The following FAM227A variants were observed in gnomAD, a reference collection of about 807,000 sequenced individuals.
The protein encoded by FAM227A is family with sequence similarity 227 member A, also known as protein FAM227A.
Under a neutral mutation model 74.7 loss-of-function variants are expected in FAM227A, and 80 were observed. The observed-to-expected ratio is 1.07, with a 90% CI of 0.89 to 1.29. The LOEUF (loss-of-function observed/expected upper bound fraction) is 1.29. Among genes scored for constraint, FAM227A ranks in the 50% most tolerant of loss-of-function variants. The pLI, the probability that FAM227A is intolerant of heterozygous loss-of-function variation, is 0.00. For missense variants in FAM227A, 654 were observed against 683.4 expected (o/e 0.96, Z 0.48); for synonymous variants, 237 against 241.8 (o/e 0.98, Z 0.19).
At position 38,626,485 on chromosome 22, in the gene FAM227A, T is replaced by C. The variant is rs538320994; in HGVS notation, c.727-182A>G. Among the ~76,000 whole-genome samples the C allele has an allele frequency of 2.4e-4, 36 of 152,030 alleles. No individual in the cohort carries two copies. The South Asian group carries it at 5.8e-3, about 25-fold the overall frequency. On this transcript the variant is annotated intron_variant, in intron 8 of 16. Transcript: ENST00000535113. The stretch of plus-strand genomic sequence containing the variant: ...ACTCCTGGCTGAAGTGATCCTCTAA[T>C]CCACTTGCCTCAGCCTTCTCGGTAG...
rs778989981 is a variant in FAM227A, at chr22:38,636,487, G to A, written c.483C>T (p.Asn161=). The A allele has an allele frequency of 3.7e-5, 58 of 1,551,448 alleles. 1 individual carries two copies. In the South Asian group the frequency reaches 6.1e-4, roughly 16 times the overall value. The part of the protein sequence containing the change: ...NGVDFCDMVG[N]VVRAERDCLS... ...GGCAGTCTCTCTCAGCCCGGACCAC[G>A]TTGCCCACCATGTCACAGAAGTCCA... The change falls in exon 6 of 17, where the codon AAC becomes AAT. Residue 161 remains asparagine, a synonymous_variant. Transcript: ENST00000535113.
At chr22:38,638,876 C>G in intron 4 of FAM227A, 54 bp from the exon 5 acceptor site, 1 of 1,146,772 alleles carries the variant, frequency 8.7e-7, no homozygotes, top group Non-Finnish European at 1.2e-6. Flanking sequence ...CTGTCCACAG[C>G]TGTGCGGTGC....
chr22:38,625,855 A>G (rs1259407268), intron 9 of FAM227A, among the ~76,000 whole-genome samples: 1 of 151,446 alleles, frequency 6.6e-6, no homozygotes, highest in Non-Finnish European at 1.5e-5. Context: ...AGGCAGGAGA[A>G]TCACTTGAAC....
intron 11 of FAM227A, among the ~76,000 whole-genome samples, chr22:38,614,517 TCAGA>T (rs1189307131): frequency 2.0e-5 from 3 of 152,154 alleles, no homozygotes; most frequent in Non-Finnish European, 4.4e-5. Context: ...TTGTGGACTC[TCAGA>T]CAGACTACTG....
chr22:38,585,507 G>T lies in FAM227A; in HGVS notation c.*618C>A, dbSNP rs1455769888. 6.6e-6 allele frequency: 1 copy of T among 152,522 alleles called. No homozygotes were observed. The highest frequency in any genetic ancestry group is 1.5e-5 in the Non-Finnish European group (1 of 68,296). 9.4% of individuals were successfully genotyped at this position (152,522 alleles called of 1,614,324 possible). A position where few individuals can be genotyped will look rare whatever the true frequency, so the allele number is the denominator to read the frequency against. ...GAGGAGCAGGAGGCAAAGGTTCAGA[G>T]GCAGCATAATAGAAGCGCCTATCAA... On this transcript the variant is annotated 3_prime_UTR_variant, in exon 17 of 17. Transcript: ENST00000535113.
In FAM227A at chr22:38,584,193, G is replaced by A. The variant is rs998773448; in HGVS notation, c.*1932C>T. ...CACATCCTTCTCTTTTTTCCAGATT[G>A]TGAGCCCCATAAGGTCAGGGACTGT... On this transcript the variant is annotated 3_prime_UTR_variant, in exon 17 of 17. Coordinates refer to ENST00000535113, the MANE Select transcript of FAM227A (RefSeq NM_001013647.2). 8 of 152,134 alleles carry A rather than the reference G, an allele frequency of 5.3e-5. No homozygotes were observed. The highest frequency in any genetic ancestry group is 2.1e-4 in the South Asian group (1 of 4,824). The allele number at this position is 152,134 out of a possible 1,614,324, so 9.4% of individuals were successfully genotyped here. A position where few individuals can be genotyped will look rare whatever the true frequency, so the allele number is the denominator to read the frequency against.
chr22:38,641,735 ATC>A (rs1603053580), intron 3 of FAM227A, among the ~76,000 whole-genome samples: 1 of 151,764 alleles, frequency 6.6e-6, no homozygotes, highest in African/African-American at 2.4e-5. Context: ...TCATTTTCAA[ATC>A]TCTCTATCTC....
chr22:38,639,861 C>A, intron 3 of FAM227A, 137 bp from the exon 4 acceptor site: 1 of 675,674 alleles, frequency 1.5e-6, no homozygotes, highest in African/African-American at 1.8e-5. Context: ...CCTTGTCTTT[C>A]CAGGTGGTAG....
intron 16 of FAM227A, among the ~76,000 whole-genome samples, chr22:38,587,883 C>T (rs2090842997): frequency 6.6e-6 from 1 of 152,122 alleles, no homozygotes. Context: ...GGGATTTATC[C>T]CAGGTAGTTC....
chr22:38,592,890 C>CA (rs1485742995), intron 15 of FAM227A, among the ~76,000 whole-genome samples: 1 of 152,212 alleles, frequency 6.6e-6, no homozygotes, highest in Non-Finnish European at 1.5e-5. Flanking sequence ...GAAATACTAT[C>CA]AAATGACTGA....
At chr22:38,622,784 G>A (rs1209569890) in intron 10 of FAM227A, among the ~76,000 whole-genome samples, 1 of 149,648 alleles carries the variant, frequency 6.7e-6, no homozygotes, top group Non-Finnish European at 1.5e-5. Context: ...GATGAGGCAG[G>A]AGAATCACTT....
chr22:38,608,572 A>G (rs9610982), intron 11 of FAM227A, among the ~76,000 whole-genome samples: 1 of 151,520 alleles, frequency 6.6e-6, no homozygotes, highest in East Asian at 2.0e-4. Context: ...CTAGGATTAC[A>G]GGTGTCCGCC....
chr22:38,622,292 T>C (rs570510310), intron 10 of FAM227A, among the ~76,000 whole-genome samples: 27 of 152,342 alleles, frequency 1.8e-4, no homozygotes, highest in Admixed American at 1.7e-3. Context: ...TGCTTTGTTC[T>C]ACCACCAGCT....
At chr22:38,630,959 G>A (rs1264762286) in intron 6 of FAM227A, among the ~76,000 whole-genome samples, 1 of 152,230 alleles carries the variant, frequency 6.6e-6, no homozygotes, top group Non-Finnish European at 1.5e-5. Flanking sequence ...CCTCAGGTCA[G>A]GAGTTCGAGA....
intron 12 of FAM227A, among the ~76,000 whole-genome samples, chr22:38,606,207 C>A (rs929352664): frequency 6.6e-6 from 1 of 152,052 alleles, no homozygotes; most frequent in Non-Finnish European, 1.5e-5. Flanking sequence ...CTCACTGTCA[C>A]CCAGGCTTGA....
chr22:38,626,879 A>AAAAAG (rs1415587474), intron 8 of FAM227A, among the ~76,000 whole-genome samples: 8 of 105,816 alleles, frequency 7.6e-5, no homozygotes, highest in African/African-American at 3.2e-4. Flanking sequence ...AAAAAAAAAA[A>AAAAAG]AAAAAAAAAA....
chr22:38,636,586 A>G lies in FAM227A; in HGVS notation c.384T>C (p.Asp128=). Residue 128 remains aspartate, a synonymous_variant, in exon 6 of 17, where the codon GAT becomes GAC. Coordinates refer to ENST00000535113, the MANE Select transcript of FAM227A (RefSeq NM_001013647.2). ...GGTACAGCTCTGCCAGCAGATTTTT[A>G]TCTGCTGTTTTCTGAAGCAAAAGAG... The part of the protein sequence containing the change: ...RSSVIKRKTA[D]KNLLAELYQY... The G allele has an allele frequency of 6.4e-7, 1 of 1,551,070 alleles. No homozygotes were observed. The highest frequency in any genetic ancestry group is 8.7e-7 in the Non-Finnish European group (1 of 1,146,812).
intron 11 of FAM227A, among the ~76,000 whole-genome samples, chr22:38,613,280 C>G (rs765331043): frequency 5.4e-5 from 3 of 56,042 alleles, no homozygotes; most frequent in Admixed American, 3.0e-4. Context: ...TATTATATAT[C>G]ATATATAATA....
At chr22:38,617,318 CAG>C (rs1491339039) in intron 11 of FAM227A, among the ~76,000 whole-genome samples, 5 of 121,856 alleles carry the variant, frequency 4.1e-5, no homozygotes, top group South Asian at 2.6e-4. Flanking sequence ...TTTTTTGAGA[CAG>C]AGTCTTGCTC....
Sources: allele counts gnomAD v4.1 joint callset (sites outside exome capture counted in the v4.1 genomes callset), GRCh38; gene constraint gnomAD v4.1.1; transcripts MANE v1.5; gene names NCBI Gene and HGNC (gene_info 2026-07-23, HGNC 2026-07-21).